SQOR: variants seen among roughly 807,000 people sequenced by gnomAD.
SQOR encodes the protein sulfide quinone oxidoreductase.
SQOR carries 39 observed loss-of-function variants against 48.6 expected under a neutral mutation model. That is an observed-to-expected ratio of 0.80 (90% CI 0.62 to 1.05). The LOEUF is 1.05. SQOR is among the 50% of genes least tolerant of loss of function. SQOR has a pLI of 0.00. For missense variants in SQOR, 561 were observed against 559.9 expected, an observed-to-expected ratio of 1.00 and a Z score of -0.02; for synonymous variants, 220 against 206.2, an observed-to-expected ratio of 1.07 and a Z score of -0.57.
At chr15:45,679,865 A>G (rs910191892) in intron 6 of SQOR, among the ~76,000 whole-genome samples, 15 of 152,218 alleles carry the variant, frequency 9.9e-5, no homozygotes, top group African/African-American at 3.6e-4. Context: ...ACCCAGATCT[A>G]CTAGATTGGG....
intron 3 of SQOR, among the ~76,000 whole-genome samples, chr15:45,666,202 C>T (rs1169915531): frequency 1.3e-5 from 2 of 152,200 alleles, no homozygotes; most frequent in African/African-American, 2.4e-5. Flanking sequence ...TCTTTAGCTT[C>T]GATATGACTC....
intron 4 of SQOR, among the ~76,000 whole-genome samples, chr15:45,670,508 A>G (rs1889919649): frequency 6.6e-6 from 1 of 152,238 alleles, no homozygotes; most frequent in Non-Finnish European, 1.5e-5. Flanking sequence ...TCAGTGAGCT[A>G]GGGAGCCAGA....
At chr15:45,635,270 C>T (rs1167335338) in intron 1 of SQOR, among the ~76,000 whole-genome samples, 162 bp downstream of exon 1, 2 of 152,360 alleles carry the variant, frequency 1.3e-5, no homozygotes, top group Middle Eastern at 3.4e-3. Flanking sequence ...TCCTCAACTC[C>T]GGACACCTGC....
At chr15:45,639,502 A>G (rs1454729356) in intron 1 of SQOR, among the ~76,000 whole-genome samples, 1 of 152,236 alleles carries the variant, frequency 6.6e-6, no homozygotes, top group African/African-American at 2.4e-5. Context: ...CTCTGGCCCT[A>G]GCTACATGAA....
upstream of SQOR, among the ~76,000 whole-genome samples, chr15:45,634,198 CTATATATATATATATATA>C (rs60889862): frequency 0.032 from 1,392 of 43,876 alleles, 170 homozygotes; most frequent in African/African-American, 0.098. Flanking sequence ...ACAACAACAA[CTATATATATATATATATA>C]TATATATATT....
chr15:45,674,003 C>T, intron 5 of SQOR: 1 of 588,740 alleles, frequency 1.7e-6, no homozygotes, highest in Non-Finnish European at 2.9e-6. Flanking sequence ...AATAAAGCTG[C>T]AGTTTTCAAT....
chr15:45,658,580 C>G (rs774385067), intron 1 of SQOR, among the ~76,000 whole-genome samples: 3 of 152,036 alleles, frequency 2.0e-5, no homozygotes, highest in Non-Finnish European at 2.9e-5. Flanking sequence ...CAGATGGTGC[C>G]CTAGATCTTA....
intron 1 of SQOR, 143 bp from the exon 2 acceptor site, chr15:45,658,764 C>T (rs1393823693): frequency 1.7e-6 from 1 of 596,792 alleles, no homozygotes. Flanking sequence ...GGACCACAGC[C>T]AGTGGGGAAA....
chr15:45,683,309 C>A (rs980130417), intron 7 of SQOR, among the ~76,000 whole-genome samples: 1 of 152,160 alleles, frequency 6.6e-6, no homozygotes, highest in Non-Finnish European at 1.5e-5. Context: ...CCTGAAACAC[C>A]ATAAAGCTCG....
chr15:45,682,741 G>A, intron 7 of SQOR, 80 bp downstream of exon 7: 3 of 1,523,022 alleles, frequency 2.0e-6, no homozygotes, highest in East Asian at 4.5e-5. Flanking sequence ...CACAAGCTTG[G>A]CATCGGCCAG....
intron 1 of SQOR, among the ~76,000 whole-genome samples, chr15:45,650,535 GAAGA>G (rs1174890915): frequency 6.6e-6 from 1 of 152,110 alleles, no homozygotes; most frequent in East Asian, 1.9e-4. Context: ...AAGAGCAAAA[GAAGA>G]AAGCATCCAC....
At position 45,682,466 on chromosome 15, in the gene SQOR, C is replaced by T. The variant is rs1032637459; in HGVS notation, c.865-12C>T. On this transcript the variant is annotated splice_polypyrimidine_tract_variant and intron_variant, in intron 6 of 9. Transcript: ENST00000260324. ...GAATAAATGAAAATGTGGATTCTCTCTTTGTGTGTAGTATGAAATGCTTCA... is the reference window on the plus strand; with the variant it reads ...GAATAAATGAAAATGTGGATTCTCTTTTTGTGTGTAGTATGAAATGCTTCA... 3.7e-6 allele frequency: 6 copies of T among 1,613,530 alleles called. No homozygotes were observed. In the African/African-American group the frequency reaches 5.3e-5, roughly 14 times the overall value.
intron 6 of SQOR, among the ~76,000 whole-genome samples, chr15:45,676,714 G>A (rs1338674796): frequency 6.6e-6 from 1 of 152,206 alleles, no homozygotes; most frequent in Non-Finnish European, 1.5e-5. Context: ...AGTCCTGCTT[G>A]TGAGCAGGAA....
intron 1 of SQOR, among the ~76,000 whole-genome samples, chr15:45,650,952 C>T (rs112453350): frequency 0.09 from 13,768 of 152,308 alleles, 751 homozygotes; most frequent in Middle Eastern, 0.21. Context: ...CTGGCTTCAC[C>T]TAGTGGATCC....
At chr15:45,640,267 C>G (rs1402886487) in intron 1 of SQOR, among the ~76,000 whole-genome samples, 2 of 152,216 alleles carry the variant, frequency 1.3e-5, no homozygotes, top group Non-Finnish European at 2.9e-5. Flanking sequence ...CTTCCATTTT[C>G]CTTTTCTCAT....
At chr15:45,669,463 C>T (rs1889898857) in intron 3 of SQOR, among the ~76,000 whole-genome samples, 1 of 152,204 alleles carries the variant, frequency 6.6e-6, no homozygotes, top group South Asian at 2.1e-4. Flanking sequence ...TGTGCCTGGC[C>T]TACCCCATAG....
At chr15:45,631,671 C>T (rs936289567), upstream of SQOR, 2 of 152,336 alleles carry the variant, frequency 1.3e-5, no homozygotes, top group East Asian at 3.8e-4. Context: ...GTTCCATTCT[C>T]TATTTCCACC....
intron 7 of SQOR, among the ~76,000 whole-genome samples, chr15:45,686,939 A>G (rs1056962513): frequency 1.1e-4 from 16 of 152,048 alleles, no homozygotes; most frequent in Admixed American, 2.6e-4. Flanking sequence ...CCTCCTGAGT[A>G]GCTGGAATTA....
intron 7 of SQOR, among the ~76,000 whole-genome samples, 198 bp downstream of exon 7, chr15:45,682,859 C>T (rs1185365843): frequency 6.6e-6 from 1 of 152,040 alleles, no homozygotes; most frequent in African/African-American, 2.4e-5. Flanking sequence ...GAAACCCCGT[C>T]TCTACTAAAA....
Sources: gnomAD v4.1 joint callset for allele counts (sites outside exome capture counted in the v4.1 genomes callset) on GRCh38, gnomAD v4.1.1 for gene constraint, MANE v1.5 for transcripts, NCBI Gene and HGNC (gene_info 2026-07-23, HGNC 2026-07-21) for gene names.